Variants in UBL7 observed in about 807,000 individuals in gnomAD.
UBL7 encodes ubiquitin-like protein 7.
In UBL7, 21 loss-of-function variants were observed where a neutral mutation model predicts 41.7. The ratio of observed to expected loss-of-function variants is 0.50; its 90% confidence interval spans 0.36 to 0.73. The LOEUF (loss-of-function observed/expected upper bound fraction) is 0.73, where lower values mean the gene tolerates loss of function less well. Ranked by LOEUF, UBL7 falls within the 30% of genes least tolerant of loss-of-function variation. The probability of loss-of-function intolerance (pLI) is 0.00; values close to 1 mark genes in which losing one functional copy is unlikely to be tolerated. For missense variants in UBL7, 403 were observed against 478.4 expected, an observed-to-expected ratio of 0.84 and a Z score of 1.47; for synonymous variants, 157 against 186.9, an observed-to-expected ratio of 0.84 and a Z score of 1.31.
intron 1 of UBL7, chr15:74,460,695 A>C (rs1283887830): frequency 7.8e-7 from 1 of 1,288,990 alleles, no homozygotes; most frequent in Non-Finnish European, 1.0e-6. Flanking sequence ...CCAGAAAATA[A>C]ATCAGAAACT....
chr15:74,456,784 G>T, intron 2 of UBL7, 113 bp from the exon 3 acceptor site: 1 of 1,245,594 alleles, frequency 8.0e-7, no homozygotes, highest in Non-Finnish European at 1.1e-6. Flanking sequence ...TGTTTTAAAA[G>T]ATACTCTTAT....
chr15:74,447,180 A>G (rs1429908572), intron 10 of UBL7, among the ~76,000 whole-genome samples: 2 of 152,216 alleles, frequency 1.3e-5, no homozygotes, highest in Non-Finnish European at 2.9e-5. Context: ...CACTGTCTAC[A>G]AGGACCACAT....
chr15:74,449,816 C>G (rs2061224206), intron 7 of UBL7, 120 bp downstream of exon 7: 7 of 1,536,690 alleles, frequency 4.6e-6, no homozygotes, highest in Non-Finnish European at 6.2e-6. Context: ...CTTCCTGACT[C>G]AAACCGAGAG....
chr15:74,451,430 A>G lies in UBL7; in HGVS notation c.472+6T>C. On this transcript the variant is annotated splice_donor_region_variant and intron_variant, in intron 5 of 10. Coordinates refer to ENST00000395081, the MANE Select transcript of UBL7 (RefSeq NM_032907.5). ...CCTATTTCCTCAAATTCAGTCCTGC[A>G]CTTACCAAGAGCAATAGGGTCACTG... 1 of 1,613,244 alleles carries G rather than the reference A, an allele frequency of 6.2e-7. No individual in the cohort carries two copies. The highest frequency in any genetic ancestry group is 8.5e-7 in the Non-Finnish European group (1 of 1,179,290).
intron 3 of UBL7, among the ~76,000 whole-genome samples, chr15:74,456,122 G>A (rs1298516470): frequency 3.0e-5 from 4 of 132,178 alleles, no homozygotes; most frequent in South Asian, 2.6e-4. Flanking sequence ...GTGAGACTCC[G>A]TCTCAGAAAA....
Position 74,449,219 on chromosome 15 carries a change from C to A in UBL7, c.849G>T (p.Glu283Asp). Residue 283 changes from glutamate (E) to aspartate (D), a missense_variant, in exon 9 of 11, where the codon GAG becomes GAT. Transcript: ENST00000395081. ...ATALALASTPESSSHTPTPGT... is the reference protein window; with the variant it reads ...ATALALASTPDSSSHTPTPGT... ...CAGGAGTCGGTGTGTGAGAGCTGCT[C>A]TCCGGAGTGCTGGCCAGGGCCAAGG... The A allele has an allele frequency of 6.3e-7, 1 of 1,589,910 alleles. No individual in the cohort carries two copies. The highest frequency in any genetic ancestry group is 8.5e-7 in the Non-Finnish European group (1 of 1,170,296).
At chr15:74,456,727 T>C in intron 2 of UBL7, 56 bp from the exon 3 acceptor site, 1 of 1,581,792 alleles carries the variant, frequency 6.3e-7, no homozygotes, top group Non-Finnish European at 8.7e-7. Context: ...TTACATGGTT[T>C]TTGTCCCGAG....
At chr15:74,450,937 G>C in intron 5 of UBL7, 78 bp from the exon 6 acceptor site, 2 of 1,484,636 alleles carry the variant, frequency 1.3e-6, no homozygotes, top group Non-Finnish European at 1.9e-6. Flanking sequence ...GCGTCTCAGA[G>C]CAACCAGCTC....
At chr15:74,459,121 A>C in intron 1 of UBL7, 1 of 467,684 alleles carries the variant, frequency 2.1e-6, no homozygotes, top group South Asian at 2.8e-5. Context: ...GGACATAAAA[A>C]CGCCATCCAA....
At chr15:74,454,281 C>T (rs974647403) in intron 3 of UBL7, among the ~76,000 whole-genome samples, 1 of 152,200 alleles carries the variant, frequency 6.6e-6, no homozygotes, top group African/African-American at 2.4e-5. Context: ...TAATGCCCTC[C>T]AGCCAAAGAG....
rs1416648813 is a variant in UBL7 at position 74,449,192 on chromosome 15, G to A, written c.876C>T (p.Gly292=). The A allele has an allele frequency of 1.1e-5, 17 of 1,548,712 alleles. No homozygotes were observed. Among genetic ancestry groups the A allele is most frequent in the Non-Finnish European group, 1.5e-5 (17 of 1,151,326 alleles). The stretch of plus-strand genomic sequence containing the variant: ...CCCGGCCCCGTCTTCATACCTGGGT[G>A]CCAGGAGTCGGTGTGTGAGAGCTGC... The part of the protein sequence containing the change: ...PESSSHTPTP[G]TQGHSSGTSP... Residue 292 remains glycine (G), a synonymous_variant, in exon 9 of 11, where the codon GGC becomes GGT. Transcript: ENST00000395081.
At chr15:74,459,011 G>A (rs2061321198) in intron 1 of UBL7, 115 bp from the exon 2 acceptor site, 2 of 979,608 alleles carry the variant, frequency 2.0e-6, no homozygotes, top group African/African-American at 1.6e-5. Flanking sequence ...AAGAGGCATA[G>A]GGCGTACCAT....
intron 3 of UBL7, among the ~76,000 whole-genome samples, chr15:74,453,330 G>T (rs1286025015): frequency 1.3e-5 from 2 of 152,190 alleles, no homozygotes; most frequent in Non-Finnish European, 2.9e-5. Context: ...CTTAGGGCAG[G>T]AGGAGAAATG....
intron 6 of UBL7, among the ~76,000 whole-genome samples, chr15:74,450,449 C>T (rs1041751437): frequency 2.0e-5 from 3 of 152,214 alleles, no homozygotes; most frequent in Non-Finnish European, 4.4e-5. Context: ...GTTTTCTTCA[C>T]TTGCAAAATG....
At chr15:74,447,029 A>C (rs1339264182) in intron 10 of UBL7, among the ~76,000 whole-genome samples, 1 of 152,210 alleles carries the variant, frequency 6.6e-6, no homozygotes, top group African/African-American at 2.4e-5. Flanking sequence ...ATGCACACAG[A>C]TCAATTTGAA....
At chr15:74,458,410 G>A (rs2061313395) in intron 2 of UBL7, among the ~76,000 whole-genome samples, 1 of 152,166 alleles carries the variant, frequency 6.6e-6, no homozygotes, top group African/African-American at 2.4e-5. Context: ...ACTCCAGCCT[G>A]GGCTACACAG....
At chr15:74,460,739 G>C (rs1211820353) in intron 1 of UBL7, 19 of 1,288,114 alleles carry the variant, frequency 1.5e-5, no homozygotes, top group Non-Finnish European at 1.9e-5. Flanking sequence ...AGCAAGATAA[G>C]TTCTTGTTAT....
chr15:74,453,590 T>C (rs1218711991), intron 3 of UBL7, among the ~76,000 whole-genome samples: 1 of 152,202 alleles, frequency 6.6e-6, no homozygotes, highest in African/African-American at 2.4e-5. Context: ...AATAAAAGAA[T>C]GTGGTGCTTT....
intron 3 of UBL7, among the ~76,000 whole-genome samples, chr15:74,454,084 G>T (rs1489472412): frequency 6.6e-6 from 1 of 152,096 alleles, no homozygotes; most frequent in African/African-American, 2.4e-5. Context: ...GAAAACCCCT[G>T]GTCCATATCC....
Sources: gnomAD v4.1 joint callset for allele counts (sites outside exome capture counted in the v4.1 genomes callset) on GRCh38, gnomAD v4.1.1 for gene constraint, MANE v1.5 for transcripts, NCBI Gene and HGNC (gene_info 2026-07-23, HGNC 2026-07-21) for gene names.